The following HHIPL2 variants were observed in gnomAD, a reference collection of about 807,000 sequenced individuals.
The protein encoded by HHIPL2 is HHIP like 2.
Under a neutral mutation model 61.0 loss-of-function variants are expected in HHIPL2, and 61 were observed. The ratio of observed to expected loss-of-function variants is 1.00; its 90% CI spans 0.81 to 1.24. HHIPL2 has a LOEUF of 1.24. Ranked by LOEUF, HHIPL2 falls within the 50% of genes most tolerant of loss-of-function variation. The pLI, the probability that HHIPL2 is intolerant of heterozygous loss-of-function variation, is 0.00. For synonymous variants in HHIPL2, 343 were observed against 357.4 expected (o/e 0.96, Z 0.45); for missense variants, 885 against 910.2 (o/e 0.97, Z 0.36).
In HHIPL2 at chr1:222,548,082, A is replaced by C; in HGVS notation, c.-38T>G. The stretch of plus-strand genomic sequence containing the variant: ...AACACTCGGGCTGCTGTGTTTGCTC[A>C]GGTTGGCTTCCCTGCTCTGCCCAAG... On this transcript the variant is annotated 5_prime_UTR_variant, in exon 1 of 9. Transcript: ENST00000343410. 1.4e-6 allele frequency: 2 copies of C among 1,467,054 alleles called. No homozygotes were observed. The highest frequency in any genetic ancestry group is 1.8e-6 in the Non-Finnish European group (2 of 1,084,674). 90.9% of individuals were successfully genotyped at this position (1,467,054 alleles called of 1,614,324 possible). A position where few individuals can be genotyped will look rare whatever the true frequency, so the allele number is the denominator to read the frequency against.
At chr1:222,538,252 GTA>G (rs1659347813) in intron 5 of HHIPL2, among the ~76,000 whole-genome samples, 1 of 145,796 alleles carries the variant, frequency 6.9e-6, no homozygotes, top group Admixed American at 6.9e-5. Context: ...GTGTGTGTAT[GTA>G]TGTCAACTTC....
rs953754351 is a variant in HHIPL2, at chr1:222,547,995, G to T, written c.50C>A (p.Ala17Asp). ...GAGAATGCCAGAAGAGAGCCAGGGGGCCCGGCAATGCAGACCACCACACAG... is the reference window on the plus strand; with the variant it reads ...GAGAATGCCAGAAGAGAGCCAGGGGTCCCGGCAATGCAGACCACCACACAG... ...PNLCGGLHCR[A>D]PWLSSGILCL... The change falls in exon 1 of 9, where the codon GCC becomes GAC. Residue 17 changes from alanine to aspartate, a missense_variant. Physicochemically the swap from Ala to Asp is moderately radical, Grantham distance 126. Transcript: ENST00000343410. The T allele has an allele frequency of 1.9e-6, 3 of 1,604,494 alleles. No individual in the cohort carries two copies. The highest frequency in any genetic ancestry group is 2.6e-6 in the Non-Finnish European group (3 of 1,174,312).
Position 222,522,709 on chromosome 1 carries a change from T to A in HHIPL2, c.2067A>T (p.Arg689Ser). The A allele has an allele frequency of 6.2e-7, 1 of 1,614,142 alleles. No homozygotes were observed. Among genetic ancestry groups the A allele is most frequent in the Non-Finnish European group, 8.5e-7 (1 of 1,180,012 alleles). The change falls in exon 9 of 9, where the codon AGA becomes AGT. Residue 689 changes from arginine to serine, a missense_variant. Arg to Ser is a moderately radical substitution (Grantham distance 110, BLOSUM62 -1). Coordinates refer to ENST00000343410, the MANE Select transcript of HHIPL2 (RefSeq NM_024746.4). ...TGCCCTGGCGGACGTGGGGCCCCACTCTGGCTTTCTTCTTTGTACCAGGCC... is the reference window on the plus strand; with the variant it reads ...TGCCCTGGCGGACGTGGGGCCCCACACTGGCTTTCTTCTTTGTACCAGGCC... ...LRGPGTKKKA[R>S]VGPHVRQGKR...
intron 6 of HHIPL2, among the ~76,000 whole-genome samples, chr1:222,530,927 A>G (rs1659173509): frequency 1.3e-5 from 2 of 152,322 alleles, no homozygotes; most frequent in South Asian, 4.1e-4. Flanking sequence ...CACATAAAAA[A>G]AGAGAAATAT....
Position 222,548,032 on chromosome 1 carries a change from A to T in HHIPL2, c.13T>A (p.Ser5Thr), listed in dbSNP as rs777658186. Reference protein sequence around the residue: MLRTSTPNLCGGLHC... With the variant: MLRTTTPNLCGGLHC... Reference sequence around the variant, plus strand: ...AGACCACCACACAGATTAGGAGTGGACGTTCTCAGCATTTTGGCCTTGGGA... The same window carrying T: ...AGACCACCACACAGATTAGGAGTGGTCGTTCTCAGCATTTTGGCCTTGGGA... Residue 5 changes from serine (S) to threonine (T), a missense_variant, in exon 1 of 9, where the codon TCC becomes ACC. Physicochemically the swap from Ser to Thr is moderately conservative, Grantham distance 58. Coordinates refer to ENST00000343410, the MANE Select transcript of HHIPL2 (RefSeq NM_024746.4). 1.8e-5 allele frequency: 28 copies of T among 1,556,410 alleles called. No individual in the cohort carries two copies. Among genetic ancestry groups the T allele is most frequent in the African/African-American group, 2.7e-5 (2 of 73,422 alleles).
chr1:222,547,642 C>A lies in HHIPL2; in HGVS notation c.321+82G>T, dbSNP rs753947176. On this transcript the variant is annotated intron_variant, in intron 1 of 8. Coordinates refer to ENST00000343410, the MANE Select transcript of HHIPL2 (RefSeq NM_024746.4). ...GCACATGAACTTCTAAAGGGCTGGG[C>A]TCCCAAAGCACCCTCCGCTCAGGAC... The A allele has an allele frequency of 2.4e-6, 3 of 1,234,126 alleles. No individual in the cohort carries two copies. The African/African-American group carries it at 4.5e-5, about 18-fold the overall frequency. 76.4% of individuals were successfully genotyped at this position (1,234,126 alleles called of 1,614,324 possible).
In HHIPL2 at chr1:222,547,885, G is replaced by C; in HGVS notation, c.160C>G (p.Pro54Ala). The C allele has an allele frequency of 1.9e-6, 3 of 1,614,102 alleles. No individual in the cohort carries two copies. In the South Asian group the frequency reaches 3.3e-5, roughly 18 times the overall value. Reference protein sequence around the residue: ...QCLDYGPPFQPPLHLEFCSDY... With the variant: ...QCLDYGPPFQAPLHLEFCSDY... The stretch of plus-strand genomic sequence containing the variant: ...GAGCAAAACTCAAGGTGCAGAGGGG[G>C]CTGGAAAGGGGGCCCGTAATCCAGG... Residue 54 changes from proline (P) to alanine (A), a missense_variant, in exon 1 of 9, where the codon CCC (proline) becomes GCC (alanine). Transcript: ENST00000343410.
chr1:222,531,858 TG>T, intron 6 of HHIPL2, 107 bp downstream of exon 6: 1 of 981,440 alleles, frequency 1.0e-6, no homozygotes, highest in African/African-American at 1.6e-5. Context: ...TAAACGATAG[TG>T]ATCATAGTAG....
intron 5 of HHIPL2, 23 bp from the exon 6 acceptor site, chr1:222,532,134 T>C: frequency 6.2e-7 from 1 of 1,601,946 alleles, no homozygotes; most frequent in Non-Finnish European, 8.5e-7. Flanking sequence ...TAAACCCTTA[T>C]GTTTAGGAAT....
Position 222,523,923 on chromosome 1 carries a change from A to G in HHIPL2, c.1806-229T>C, listed in dbSNP as rs562897969. Among the ~76,000 whole-genome samples, 12 of 152,310 alleles carry G rather than the reference A, an allele frequency of 7.9e-5. 1 individual carries two copies. In the South Asian group the frequency reaches 2.5e-3, roughly 32 times the overall value. On this transcript the variant is annotated intron_variant, in intron 7 of 8. Transcript: ENST00000343410. ...TGAGAGACAGTGCAGAGAAGGAGTT[A>G]GGAGTATGGGCATGGTGGCAGTCAA...
intron 3 of HHIPL2, among the ~76,000 whole-genome samples, chr1:222,541,550 C>T (rs1266504170): frequency 6.6e-6 from 1 of 152,066 alleles, no homozygotes; most frequent in Non-Finnish European, 1.5e-5. Context: ...AAATTCTTGC[C>T]CTTGAAGGTT....
rs560297415 is a variant in HHIPL2, at chr1:222,537,386, T to C, written c.1577+1262A>G. On this transcript the variant is annotated intron_variant, in intron 5 of 8. Transcript: ENST00000343410. ...AAATGAATGCTTTCCCCTATTTCTA[T>C]TCAACACTGCACTGAGATTAACGTA... Among the ~76,000 whole-genome samples, 13 of 151,252 alleles carry C rather than the reference T, an allele frequency of 8.6e-5. No homozygotes were observed. In the East Asian group the frequency reaches 1.7e-3, roughly 20 times the overall value.
chr1:222,526,738 C>T (rs1659075663), intron 7 of HHIPL2, among the ~76,000 whole-genome samples: 1 of 148,652 alleles, frequency 6.7e-6, no homozygotes, highest in Admixed American at 6.7e-5. Context: ...AGCCACAGAC[C>T]TAGACTAACC....
At chr1:222,529,965 G>T (rs1418375439) in intron 6 of HHIPL2, among the ~76,000 whole-genome samples, 1 of 152,224 alleles carries the variant, frequency 6.6e-6, no homozygotes, top group Non-Finnish European at 1.5e-5. Context: ...AAAAGAATAT[G>T]GCAAGGGCAG....
chr1:222,546,380 G>A (rs1659557424), intron 1 of HHIPL2, among the ~76,000 whole-genome samples: 1 of 152,190 alleles, frequency 6.6e-6, no homozygotes, highest in African/African-American at 2.4e-5. Flanking sequence ...CATAACAACT[G>A]CCTGCAGAAT....
At position 222,538,671 on chromosome 1, in the gene HHIPL2, A is replaced by G; in HGVS notation, c.1554T>C (p.Tyr518=). The change falls in exon 5 of 9, where the codon TAT becomes TAC. Residue 518 remains tyrosine (Y), a synonymous_variant. Coordinates refer to ENST00000343410, the MANE Select transcript of HHIPL2 (RefSeq NM_024746.4). ...GCESPNLNGL[Y]IFGDFMSGRL... ...ACCCACTCATGAAGTCTCCAAAGAT[A>G]TACAGGCCATTGAGATTTGGGGATT... The G allele has an allele frequency of 1.9e-6, 3 of 1,613,976 alleles. No individual in the cohort carries two copies. Among genetic ancestry groups the G allele is most frequent in the Non-Finnish European group, 2.5e-6 (3 of 1,179,804 alleles).
rs766290405 is a variant in HHIPL2 at position 222,544,038 on chromosome 1, T to C, written c.473A>G (p.Gln158Arg). 4.3e-6 allele frequency: 7 copies of C among 1,614,072 alleles called. No homozygotes were observed. The African/African-American group carries it at 8.0e-5, about 18-fold the overall frequency. ...ISLLTNDRGL[Q>R]ESHGRDGTRF... ...GGTACCGTCCCTTCCATGAGACTCC[T>C]GGAGGCCGCGGTCATTGGTCAGCAG... is the stretch of plus-strand genomic sequence containing the variant. Residue 158 changes from glutamine to arginine, a missense_variant, in exon 2 of 9, where the codon CAG becomes CGG. Coordinates refer to ENST00000343410, the MANE Select transcript of HHIPL2 (RefSeq NM_024746.4).
chr1:222,522,974 A>G (rs1041035277), intron 8 of HHIPL2, 87 bp from the exon 9 acceptor site: 62 of 1,083,186 alleles, frequency 5.7e-5, no homozygotes, highest in Non-Finnish European at 8.1e-5. Flanking sequence ...TAGTTCTTTA[A>G]TATAAATTAT....
In HHIPL2 at chr1:222,547,039, A is replaced by G. The variant is rs76791822; in HGVS notation, c.321+685T>C. ...TAACCCCCAAACACCCTCTTCCTAC[A>G]AAGTCTGTGTGTGCAGCCTACACCC... is the stretch of plus-strand genomic sequence containing the variant. On this transcript the variant is annotated intron_variant, in intron 1 of 8. Coordinates refer to ENST00000343410, the MANE Select transcript of HHIPL2 (RefSeq NM_024746.4). Among the ~76,000 whole-genome samples the G allele has an allele frequency of 1.8e-3, 269 of 152,318 alleles. 5 individuals are homozygous for G. The East Asian group carries it at 0.046, about 26-fold the overall frequency.
Sources: allele counts gnomAD v4.1 joint callset (sites outside exome capture counted in the v4.1 genomes callset), GRCh38; gene constraint gnomAD v4.1.1; transcripts MANE v1.5; gene names NCBI Gene and HGNC (gene_info 2026-07-23, HGNC 2026-07-21).